PCDH11X: variants seen among roughly 807,000 people sequenced by gnomAD.
PCDH11X encodes protocadherin 11 X-linked, also known as protocadherin-11 X-linked.
A neutral mutation model predicts 53.3 loss-of-function variants in PCDH11X; 18 were observed. The ratio of observed to expected loss-of-function variants is 0.34; its 90% confidence interval spans 0.23 to 0.50. The LOEUF is 0.50. Among genes scored for constraint, PCDH11X ranks in the 20% least tolerant of loss-of-function variants. The pLI is 0.98. For missense variants in PCDH11X, 570 were observed against 1,032.4 expected, an observed-to-expected ratio of 0.55 and a Z score of 6.14; for synonymous variants, 279 against 393.3, an observed-to-expected ratio of 0.71 and a Z score of 3.44.
At chrX:91,822,024 C>T (rs1187258823) in intron 4 of PCDH11X, among the ~76,000 whole-genome samples, 3 of 105,759 alleles carry the variant, frequency 2.8e-5, no homozygotes, top group Non-Finnish European at 5.7e-5. Context: ...GGGATGAAGC[C>T]CACTTGATCA....
chrX:92,232,109 A>G (rs759495678), intron 7 of PCDH11X, among the ~76,000 whole-genome samples: 24 of 112,278 alleles, frequency 2.1e-4, no homozygotes, highest in African/African-American at 7.8e-4. Context: ...CTTGAGATAT[A>G]TTGCAGCCAT....
chrX:92,235,282 A>C (rs866741720), intron 7 of PCDH11X, among the ~76,000 whole-genome samples: 1 of 111,160 alleles, frequency 9.0e-6, no homozygotes, highest in Non-Finnish European at 1.9e-5. Context: ...GAGGCTTTGC[A>C]TGATTGGGTT....
At chrX:92,487,364 G>A (rs1251182903) in intron 10 of PCDH11X, among the ~76,000 whole-genome samples, 2 of 110,297 alleles carry the variant, frequency 1.8e-5, no homozygotes, top group Admixed American at 9.8e-5. Flanking sequence ...TAACATTTCA[G>A]AAAGGATGTA....
intron 6 of PCDH11X, among the ~76,000 whole-genome samples, chrX:92,057,214 A>C (rs13340739): frequency 0.053 from 5,464 of 102,194 alleles, 396 homozygotes; most frequent in African/African-American, 0.18. Flanking sequence ...AATTTTAAAG[A>C]TGGTTTATGA....
rs1390448861 is a variant in PCDH11X, at chrX:92,600,218, G to C, written c.3368-18046G>C. Among the ~76,000 whole-genome samples the C allele has an allele frequency of 2.1e-3, 224 of 107,307 alleles. 1 individual carries two copies. The highest frequency in any genetic ancestry group is 3.7e-3 in the Non-Finnish European group (194 of 52,341). 93.2% of individuals were successfully genotyped at this position (107,307 alleles called of 115,157 possible). On this transcript the variant is annotated intron_variant, in intron 10 of 10. Transcript: ENST00000682573. ...AAGCTGGCTGGGGAAAATTTCATAA[G>C]TATTGAGAAGCCAAATATTAATCAC...
At chrX:92,542,690 AG>A (rs1175592696) in intron 10 of PCDH11X, among the ~76,000 whole-genome samples, 2 of 111,571 alleles carry the variant, frequency 1.8e-5, no homozygotes, top group Non-Finnish European at 3.8e-5. Flanking sequence ...CTGTGAATGT[AG>A]GCAAAATAAC....
intron 10 of PCDH11X, among the ~76,000 whole-genome samples, chrX:92,535,576 G>A (rs1251944452): frequency 1.8e-5 from 2 of 111,412 alleles, no homozygotes; most frequent in East Asian, 2.8e-4. Context: ...ATGGGTACTA[G>A]GCTTAATACC....
chrX:91,913,630 A>T (rs1273702975), intron 6 of PCDH11X, among the ~76,000 whole-genome samples: 1 of 111,788 alleles, frequency 8.9e-6, no homozygotes, highest in Non-Finnish European at 1.9e-5. Flanking sequence ...CTACCCTGAT[A>T]GCTGAACACA....
intron 6 of PCDH11X, among the ~76,000 whole-genome samples, chrX:91,998,830 AT>A (rs2062461825): frequency 9.0e-6 from 1 of 111,653 alleles, no homozygotes; most frequent in Non-Finnish European, 1.9e-5. Context: ...AGTAGTAAGC[AT>A]TCAGTACATA....
chrX:91,981,293 G>A (rs1250212871), intron 6 of PCDH11X, among the ~76,000 whole-genome samples: 1 of 109,087 alleles, frequency 9.2e-6, no homozygotes, highest in Non-Finnish European at 1.9e-5. Flanking sequence ...AAATGAAGGA[G>A]AACCAAGTTC....
intron 6 of PCDH11X, among the ~76,000 whole-genome samples, chrX:92,102,373 GT>G (rs2064277025): frequency 9.0e-6 from 1 of 111,554 alleles, no homozygotes; most frequent in South Asian, 3.8e-4. Context: ...AGGTCAAGTT[GT>G]TTGGACAGAA....
At chrX:92,223,789 C>G (rs1015975694) in intron 7 of PCDH11X, among the ~76,000 whole-genome samples, 1 of 111,436 alleles carries the variant, frequency 9.0e-6, no homozygotes, top group Non-Finnish European at 1.9e-5. Context: ...ATATAAAGCA[C>G]TTAGTACAGT....
At chrX:92,242,943 G>A (rs1332912298) in intron 7 of PCDH11X, among the ~76,000 whole-genome samples, 1 of 111,297 alleles carries the variant, frequency 9.0e-6, no homozygotes, top group Non-Finnish European at 1.9e-5. Context: ...TTTTGTCCGT[G>A]TTCTGACTGA....
chrX:92,100,168 C>T (rs1259974479), intron 6 of PCDH11X, among the ~76,000 whole-genome samples: 4 of 110,962 alleles, frequency 3.6e-5, no homozygotes, highest in Non-Finnish European at 7.5e-5. Context: ...AAAATTAAAA[C>T]CATGTAACAA....
chrX:91,806,271 C>T (rs1437239274), intron 1 of PCDH11X, among the ~76,000 whole-genome samples: 1 of 113,973 alleles, frequency 8.8e-6, no homozygotes, highest in African/African-American at 3.2e-5. Flanking sequence ...AACACCTCCA[C>T]TTAAAGAGTT....
At position 91,904,862 on chromosome X, in the gene PCDH11X, C is replaced by T. The variant is rs2524578; in HGVS notation, c.3033+25589C>T. On this transcript the variant is annotated intron_variant, in intron 6 of 10. Transcript: ENST00000682573. ...TGTGCACCGATCCAACAGCCAACAG[C>T]GTAATTCACAAAGAAACACTGGAGG... Among the ~76,000 whole-genome samples the T allele has an allele frequency of 3.2e-4, 35 of 109,789 alleles. 1 individual carries two copies. The East Asian group carries it at 9.8e-3, about 31-fold the overall frequency.
At chrX:91,796,271 T>C (rs1298611871) in intron 1 of PCDH11X, among the ~76,000 whole-genome samples, 1 of 112,081 alleles carries the variant, frequency 8.9e-6, no homozygotes, top group African/African-American at 3.2e-5. Context: ...CTATTAATTT[T>C]TTTGTGTTCT....
intron 10 of PCDH11X, among the ~76,000 whole-genome samples, chrX:92,530,521 G>T (rs957686007): frequency 8.9e-6 from 1 of 111,974 alleles, no homozygotes; most frequent in African/African-American, 3.2e-5. Context: ...TGTAATGCAT[G>T]CCCCTTTTAA....
At chrX:91,887,514 G>A (rs1261542130) in intron 6 of PCDH11X, among the ~76,000 whole-genome samples, 2 of 111,845 alleles carry the variant, frequency 1.8e-5, no homozygotes, top group Non-Finnish European at 3.8e-5. Context: ...AAATTCTAGA[G>A]TAGCCATAGG....
Sources: gnomAD v4.1 joint callset for allele counts (sites outside exome capture counted in the v4.1 genomes callset) on GRCh38, gnomAD v4.1.1 for gene constraint, MANE v1.5 for transcripts, NCBI Gene and HGNC (gene_info 2026-07-23, HGNC 2026-07-21) for gene names.